FAM167A: variants seen among roughly 807,000 people sequenced by gnomAD.
FAM167A encodes the protein family with sequence similarity 167 member A, also known as protein FAM167A.
A neutral mutation model predicts 14.9 loss-of-function variants in FAM167A; 23 were observed. That is an observed-to-expected ratio of 1.55 (90% CI 1.11 to 2.19). The LOEUF is 2.19. Among genes scored for constraint, FAM167A ranks in the 30% most tolerant of loss-of-function variants. FAM167A has a pLI of 0.00. For synonymous variants in FAM167A, 174 were observed against 117.7 expected, an observed-to-expected ratio of 1.48 and a Z score of -3.10; for missense variants, 401 against 281.5, an observed-to-expected ratio of 1.42 and a Z score of -3.04.
At chr8:11,428,243 A>G (rs890147601) in intron 2 of FAM167A, among the ~76,000 whole-genome samples, 4 of 152,174 alleles carry the variant, frequency 2.6e-5, no homozygotes, top group Admixed American at 6.5e-5. Flanking sequence ...TGGCGGACAC[A>G]TCTCTGTGGG....
At chr8:11,427,256 A>G (rs939515561) in intron 2 of FAM167A, among the ~76,000 whole-genome samples, 3 of 152,152 alleles carry the variant, frequency 2.0e-5, no homozygotes, top group East Asian at 1.9e-4. Flanking sequence ...GTCTGGCTCC[A>G]TATTTTACCA....
intron 2 of FAM167A, among the ~76,000 whole-genome samples, chr8:11,437,194 T>C (rs918406361): frequency 6.6e-6 from 1 of 152,212 alleles, no homozygotes; most frequent in Non-Finnish European, 1.5e-5. Context: ...GTCGGGCAGA[T>C]CTGAGTTCAA....
rs1037644089 is a variant in FAM167A at position 11,422,298 on chromosome 8, G to A, written c.*2075C>T. On this transcript the variant is annotated 3_prime_UTR_variant, in exon 3 of 3. Coordinates refer to ENST00000284486, the MANE Select transcript of FAM167A (RefSeq NM_053279.3). ...AAAAACCTAATTTGGCATTTTTTCA[G>A]AATATGGGATGGGCTTTCCTGCATG... 2.0e-5 allele frequency: 3 copies of A among 153,150 alleles called. No individual in the cohort carries two copies. The highest frequency in any genetic ancestry group is 4.4e-5 in the Non-Finnish European group (3 of 68,494). The allele number at this position is 153,150 out of a possible 1,614,324, so 9.5% of individuals were successfully genotyped here.
At chr8:11,433,172 TCTGCACATGTAATCCAGAA>T (rs1805733851) in intron 2 of FAM167A, among the ~76,000 whole-genome samples, 1 of 151,910 alleles carries the variant, frequency 6.6e-6, no homozygotes, top group Non-Finnish European at 1.5e-5. Context: ...ATCTGCACAT[TCTGCACATGTAATCCAGAA>T]CTTAAAGTAT....
chr8:11,449,471 G>A (rs1305950431), intron 1 of FAM167A, among the ~76,000 whole-genome samples: 3 of 152,176 alleles, frequency 2.0e-5, no homozygotes, highest in Non-Finnish European at 4.4e-5. Context: ...CCAGGCCCCG[G>A]GAGGAAGAGC....
rs1194413524 is a variant in FAM167A at position 11,424,155 on chromosome 8, G to T, written c.*218C>A. On this transcript the variant is annotated 3_prime_UTR_variant, in exon 3 of 3. Coordinates refer to ENST00000284486, the MANE Select transcript of FAM167A (RefSeq NM_053279.3). ...GAGCGGCCCTTCTGCAGAGCTCTTT[G>T]GGTAGTAAGCAAGAGCCAGTCACAG... 4 of 589,794 alleles carry T rather than the reference G, an allele frequency of 6.8e-6. No individual in the cohort carries two copies. The highest frequency in any genetic ancestry group is 1.2e-5 in the Non-Finnish European group (4 of 336,798). The allele number at this position is 589,794 out of a possible 1,614,324, so 36.5% of individuals were successfully genotyped here. A position where few individuals can be genotyped will look rare whatever the true frequency, so the allele number is the denominator to read the frequency against.
At chr8:11,426,528 GTC>G (rs1805171753) in intron 2 of FAM167A, among the ~76,000 whole-genome samples, 2 of 152,338 alleles carry the variant, frequency 1.3e-5, no homozygotes, top group South Asian at 4.1e-4. Flanking sequence ...AACCAAAAGT[GTC>G]TGAGACAGGT....
chr8:11,430,254 A>T (rs1805485836), intron 2 of FAM167A, among the ~76,000 whole-genome samples: 1 of 152,232 alleles, frequency 6.6e-6, no homozygotes, highest in East Asian at 1.9e-4. Context: ...GTTGAAAGGG[A>T]AGAGATGTCA....
chr8:11,433,201 T>C lies in FAM167A; in HGVS notation c.382-8565A>G, dbSNP rs988233293. On this transcript the variant is annotated intron_variant, in intron 2 of 2. Coordinates refer to ENST00000284486, the MANE Select transcript of FAM167A (RefSeq NM_053279.3). Reference sequence around the variant, plus strand: ...CACATGTAATCCAGAACTTAAAGTATGATAAAAAAAAATAAAAAATAAAAA... The same window carrying C: ...CACATGTAATCCAGAACTTAAAGTACGATAAAAAAAAATAAAAAATAAAAA... 2.0e-4 allele frequency among the ~76,000 whole-genome samples: 29 copies of C among 145,220 alleles called. No individual in the cohort carries two copies. In the East Asian group the frequency reaches 4.5e-3, roughly 22 times the overall value.
At chr8:11,445,805 T>C (rs1446165009) in intron 1 of FAM167A, among the ~76,000 whole-genome samples, 1 of 142,850 alleles carries the variant, frequency 7.0e-6, no homozygotes, top group Non-Finnish European at 1.5e-5. Flanking sequence ...AAGCCCTGGA[T>C]TTTAAGGGTG....
chr8:11,465,617 G>A (rs1222489370), intron 1 of FAM167A, among the ~76,000 whole-genome samples: 1 of 152,194 alleles, frequency 6.6e-6, no homozygotes, highest in Non-Finnish European at 1.5e-5. Context: ...ACGCCCTCAG[G>A]CAACAGGCGC....
chr8:11,431,995 C>G (rs988326542), intron 2 of FAM167A, among the ~76,000 whole-genome samples: 5 of 151,746 alleles, frequency 3.3e-5, no homozygotes, highest in Admixed American at 1.3e-4. Flanking sequence ...CATGCTGTCC[C>G]TGGCAAAGGC....
At chr8:11,452,143 G>T (rs1020805659) in intron 1 of FAM167A, among the ~76,000 whole-genome samples, 1 of 152,194 alleles carries the variant, frequency 6.6e-6, no homozygotes, top group African/African-American at 2.4e-5. Flanking sequence ...GAACCACAGG[G>T]TGGATGGTCA....
chr8:11,475,297 T>G (rs1403782364), intron 1 of FAM167A, among the ~76,000 whole-genome samples: 1 of 152,212 alleles, frequency 6.6e-6, no homozygotes, highest in African/African-American at 2.4e-5. Flanking sequence ...CCCTTGTGCA[T>G]GCTCACAGAG....
chr8:11,455,937 C>T (rs1017222854), intron 1 of FAM167A, among the ~76,000 whole-genome samples: 1,309 of 23,262 alleles, frequency 0.056, 71 homozygotes, highest in Admixed American at 0.27. Context: ...GCTGGGTGTG[C>T]GTGAATGTGG....
intron 1 of FAM167A, chr8:11,445,676 A>G: frequency 1.1e-6 from 1 of 941,954 alleles, no homozygotes; most frequent in Non-Finnish European, 1.3e-6. Context: ...ACAGGGTAGA[A>G]ATCTAACTCC....
intron 2 of FAM167A, among the ~76,000 whole-genome samples, chr8:11,433,204 T>TAAA (rs34636796): frequency 0.017 from 2,563 of 150,428 alleles, 69 homozygotes; most frequent in African/African-American, 0.059. Flanking sequence ...TAAAGTATGA[T>TAAA]AAAAAAAAAT....
intron 2 of FAM167A, among the ~76,000 whole-genome samples, chr8:11,434,360 GGGCAGGTGCA>G (rs1362808095): frequency 6.6e-6 from 1 of 152,122 alleles, no homozygotes; most frequent in African/African-American, 2.4e-5. Context: ...GATGGGAGGG[GGGCAGGTGCA>G]ATGGCTCCTG....
upstream of FAM167A, among the ~76,000 whole-genome samples, chr8:11,470,789 G>A (rs79936752): frequency 2.0e-5 from 3 of 152,026 alleles, no homozygotes; most frequent in Non-Finnish European, 2.9e-5. Flanking sequence ...AGAGTCCACC[G>A]GTCTCTGCTG....
Sources: allele counts gnomAD v4.1 joint callset (sites outside exome capture counted in the v4.1 genomes callset), GRCh38; gene constraint gnomAD v4.1.1; transcripts MANE v1.5; gene names NCBI Gene and HGNC (gene_info 2026-07-23, HGNC 2026-07-21).